Variants in LRP1B observed in about 807,000 individuals in gnomAD.
The protein encoded by LRP1B is low-density lipoprotein receptor-related protein 1B.
LRP1B carries 217 observed loss-of-function variants against 556.6 expected under a neutral mutation model. The observed-to-expected ratio is 0.39, with a 90% CI of 0.35 to 0.44. LRP1B has a LOEUF of 0.44. Among genes scored for constraint, LRP1B ranks in the 20% least tolerant of loss-of-function variants. The pLI, the probability that LRP1B is intolerant of heterozygous loss-of-function variation, is 1.00. For synonymous variants in LRP1B, 2,047 were observed against 1,865.8 expected, an observed-to-expected ratio of 1.10 and a Z score of -2.50; for missense variants, 5,053 against 5,620.8, an observed-to-expected ratio of 0.90 and a Z score of 3.23.
chr2:141,038,682 T>G (rs1698609219), intron 11 of LRP1B, among the ~76,000 whole-genome samples: 1 of 152,068 alleles, frequency 6.6e-6, no homozygotes, highest in Non-Finnish European at 1.5e-5. Flanking sequence ...CAAGTCAATC[T>G]AGACTAACTA....
chr2:140,859,835 A>C (rs1010646312), intron 27 of LRP1B, among the ~76,000 whole-genome samples: 9 of 151,932 alleles, frequency 5.9e-5, no homozygotes, highest in Non-Finnish European at 1.3e-4. Flanking sequence ...TCTACTAAAA[A>C]TACAAAAAAA....
At chr2:141,310,405 G>T (rs1686767658) in intron 3 of LRP1B, among the ~76,000 whole-genome samples, 1 of 152,096 alleles carries the variant, frequency 6.6e-6, no homozygotes, top group South Asian at 2.1e-4. Context: ...ACCTCGTAGG[G>T]TTATTATAAT....
At chr2:140,352,326 C>T (rs950966220) in intron 76 of LRP1B, among the ~76,000 whole-genome samples, 2 of 151,958 alleles carry the variant, frequency 1.3e-5, no homozygotes, top group Non-Finnish European at 2.9e-5. Context: ...CAGGTGTGTA[C>T]CACCACGCCT....
At chr2:140,586,331 G>GA (rs1167622439) in intron 43 of LRP1B, among the ~76,000 whole-genome samples, 6 of 152,132 alleles carry the variant, frequency 3.9e-5, no homozygotes, top group Admixed American at 1.3e-4. Flanking sequence ...AACATACACA[G>GA]AAAAAATAAA....
chr2:140,286,789 G>GTA (rs1269193421), intron 84 of LRP1B, among the ~76,000 whole-genome samples: 1 of 151,436 alleles, frequency 6.6e-6, no homozygotes, highest in Non-Finnish European at 1.5e-5. Context: ...ATAACCTTAT[G>GTA]TATATATATT....
intron 1 of LRP1B, among the ~76,000 whole-genome samples, chr2:142,082,674 C>A (rs1463087392): frequency 6.6e-6 from 1 of 152,214 alleles, no homozygotes; most frequent in Non-Finnish European, 1.5e-5. Context: ...AGCTCAATCA[C>A]TTCTCTCTCA....
chr2:141,709,369 T>C (rs568408061), intron 2 of LRP1B, among the ~76,000 whole-genome samples: 1 of 148,952 alleles, frequency 6.7e-6, no homozygotes, highest in Non-Finnish European at 1.5e-5. Context: ...AGAAAATAAA[T>C]AAAATAAAAT....
chr2:141,822,492 C>A (rs759976671), intron 1 of LRP1B, among the ~76,000 whole-genome samples: 1 of 152,110 alleles, frequency 6.6e-6, no homozygotes, highest in Non-Finnish European at 1.5e-5. Context: ...AAATCCTACA[C>A]GATCCTTCTC....
intron 6 of LRP1B, among the ~76,000 whole-genome samples, chr2:141,227,772 A>G (rs1198874649): frequency 1.3e-5 from 2 of 152,202 alleles, no homozygotes; most frequent in East Asian, 3.9e-4. Flanking sequence ...AACATTACAT[A>G]GTATTATTTC....
At chr2:141,568,169 T>G (rs1686400904) in intron 2 of LRP1B, among the ~76,000 whole-genome samples, 1 of 151,140 alleles carries the variant, frequency 6.6e-6, no homozygotes, top group Non-Finnish European at 1.5e-5. Context: ...AGCTTGGACA[T>G]AAGTGCGGGA....
chr2:141,686,415 G>A (rs1258238142), intron 2 of LRP1B, among the ~76,000 whole-genome samples: 2 of 151,882 alleles, frequency 1.3e-5, no homozygotes, highest in East Asian at 3.9e-4. Context: ...AGATTGCTGT[G>A]TGCTATATAT....
chr2:140,554,640 A>G lies in LRP1B; in HGVS notation c.7195-12669T>C, dbSNP rs919918502. ...GAACACTAATAGAGGATATTACAAG[A>G]GCTTTTATTTTCTCAGTCTCTCTGG... On this transcript the variant is annotated intron_variant, in intron 43 of 90. Coordinates refer to ENST00000389484, the MANE Select transcript of LRP1B (RefSeq NM_018557.3). 3.9e-5 allele frequency among the ~76,000 whole-genome samples: 6 copies of G among 152,166 alleles called. 1 individual carries two copies. The South Asian group carries it at 1.2e-3, about 32-fold the overall frequency.
chr2:140,303,459 G>C (rs1439397300), intron 83 of LRP1B, among the ~76,000 whole-genome samples: 3 of 151,816 alleles, frequency 2.0e-5, no homozygotes, highest in Admixed American at 1.3e-4. Flanking sequence ...ATGTTGGCCA[G>C]GCTGGTCTCG....
intron 1 of LRP1B, among the ~76,000 whole-genome samples, chr2:141,821,837 A>G (rs1022856968): frequency 1.3e-5 from 2 of 152,102 alleles, no homozygotes; most frequent in African/African-American, 4.8e-5. Context: ...AAAATTGAAA[A>G]CTTGAAGAAG....
intron 43 of LRP1B, among the ~76,000 whole-genome samples, chr2:140,568,516 G>A (rs1681209184): frequency 6.6e-6 from 1 of 151,998 alleles, no homozygotes; most frequent in African/African-American, 2.4e-5. Context: ...TATTTTCATT[G>A]TGGTAATTAT....
chr2:141,400,116 C>T (rs1188572167), intron 3 of LRP1B, among the ~76,000 whole-genome samples: 1 of 151,988 alleles, frequency 6.6e-6, no homozygotes, highest in Non-Finnish European at 1.5e-5. Flanking sequence ...CTCCCAGCTG[C>T]ATGCTGGGCG....
chr2:142,039,236 A>C (rs79722147), intron 1 of LRP1B, among the ~76,000 whole-genome samples: 3 of 151,678 alleles, frequency 2.0e-5, no homozygotes, highest in African/African-American at 7.2e-5. Flanking sequence ...CCTTGGTCAA[A>C]ATATACCTCA....
At chr2:140,237,008 A>AT (rs1034936138) in intron 89 of LRP1B, among the ~76,000 whole-genome samples, 1 of 151,054 alleles carries the variant, frequency 6.6e-6, no homozygotes, top group Admixed American at 6.6e-5. Context: ...ATACATAGTT[A>AT]TTTTTTTGTG....
intron 1 of LRP1B, among the ~76,000 whole-genome samples, chr2:141,994,267 A>G (rs957185158): frequency 7.2e-5 from 11 of 152,206 alleles, no homozygotes; most frequent in Non-Finnish European, 1.5e-4. Context: ...TGGCAACAAC[A>G]GGCTGATTTT....
Sources: gnomAD v4.1 joint callset for allele counts (sites outside exome capture counted in the v4.1 genomes callset) on GRCh38, gnomAD v4.1.1 for gene constraint, MANE v1.5 for transcripts, NCBI Gene and HGNC (gene_info 2026-07-23, HGNC 2026-07-21) for gene names.